Variants in FSIP1 observed in about 807,000 individuals in gnomAD.
The protein encoded by FSIP1 is fibrous sheath-interacting protein 1.
FSIP1 carries 65 observed loss-of-function variants against 60.9 expected under a neutral mutation model. The ratio of observed to expected loss-of-function variants is 1.07; its 90% CI spans 0.87 to 1.31. The LOEUF (loss-of-function observed/expected upper bound fraction) is 1.31, where lower values mean the gene tolerates loss of function less well. FSIP1 is among the 40% of genes most tolerant of loss of function. The pLI is 0.00. For synonymous variants in FSIP1, 209 were observed against 221.2 expected, an observed-to-expected ratio of 0.94 and a Z score of 0.49; for missense variants, 675 against 665.5, an observed-to-expected ratio of 1.01 and a Z score of -0.16.
chr15:39,723,129 G>C, intron 9 of FSIP1, among the ~76,000 whole-genome samples: 1 of 152,266 alleles, frequency 6.6e-6, no homozygotes, highest in Non-Finnish European at 1.5e-5. Context: ...GAACCTTAAA[G>C]AATATTACTA....
chr15:39,653,278 G>A (rs1892950187), intron 10 of FSIP1, among the ~76,000 whole-genome samples: 1 of 151,656 alleles, frequency 6.6e-6, no homozygotes, highest in Non-Finnish European at 1.5e-5. Flanking sequence ...GTGAGTGAAA[G>A]TCAAGGCCCA....
intron 10 of FSIP1, among the ~76,000 whole-genome samples, chr15:39,629,136 T>C (rs1891770635): frequency 6.6e-6 from 1 of 152,164 alleles, no homozygotes; most frequent in African/African-American, 2.4e-5. Flanking sequence ...TGGAGCTTTA[T>C]GGACGATCTC....
At chr15:39,747,148 T>C (rs374168954) in intron 5 of FSIP1, among the ~76,000 whole-genome samples, 239 of 151,830 alleles carry the variant, frequency 1.6e-3, no homozygotes, top group South Asian at 0.013. Flanking sequence ...TAAACCATAA[T>C]CCTAACTATA....
chr15:39,684,526 C>T (rs1175115849), intron 10 of FSIP1, among the ~76,000 whole-genome samples: 2 of 152,132 alleles, frequency 1.3e-5, no homozygotes, highest in East Asian at 3.8e-4. Flanking sequence ...AAGGAAATAG[C>T]ACCAAGAATC....
intron 10 of FSIP1, among the ~76,000 whole-genome samples, chr15:39,696,927 T>C (rs2412425): frequency 1.5e-5 from 1 of 67,560 alleles, no homozygotes; most frequent in Non-Finnish European, 3.0e-5. Context: ...TGTGTGTGTG[T>C]TGGGATGGGG....
At chr15:39,750,522 A>G (rs1347460890) in intron 5 of FSIP1, among the ~76,000 whole-genome samples, 2 of 151,948 alleles carry the variant, frequency 1.3e-5, no homozygotes, top group African/African-American at 4.8e-5. Context: ...AGGGCCCAAG[A>G]AGACACAATG....
chr15:39,739,385 T>C (rs895564527), intron 7 of FSIP1, among the ~76,000 whole-genome samples: 3 of 152,240 alleles, frequency 2.0e-5, no homozygotes, highest in Non-Finnish European at 2.9e-5. Flanking sequence ...AATAAATGTT[T>C]TGCAAATTGC....
At chr15:39,639,240 C>T (rs1892260354) in intron 10 of FSIP1, among the ~76,000 whole-genome samples, 1 of 151,956 alleles carries the variant, frequency 6.6e-6, no homozygotes, top group South Asian at 2.1e-4. Context: ...TGTGGGGAGT[C>T]CAGAGGAATT....
downstream of FSIP1, chr15:39,599,160 C>T (rs941256944): frequency 6.6e-5 from 10 of 152,040 alleles, no homozygotes; most frequent in African/African-American, 2.2e-4. Context: ...AAAGGGAAAT[C>T]CAAAATAAAA....
chr15:39,655,085 T>C (rs1195477301), intron 10 of FSIP1, among the ~76,000 whole-genome samples: 2 of 152,214 alleles, frequency 1.3e-5, no homozygotes, highest in Admixed American at 6.5e-5. Context: ...TGGAAGTTGA[T>C]AAAACTTAGA....
chr15:39,647,850 T>C (rs996449282), intron 10 of FSIP1, among the ~76,000 whole-genome samples: 9 of 152,258 alleles, frequency 5.9e-5, no homozygotes, highest in Admixed American at 4.6e-4. Flanking sequence ...AACTGTTATA[T>C]TGGGAAAAAT....
At chr15:39,766,855 TAA>T (rs1253745808) in intron 3 of FSIP1, among the ~76,000 whole-genome samples, 2 of 152,168 alleles carry the variant, frequency 1.3e-5, no homozygotes, top group Non-Finnish European at 2.9e-5. Context: ...CTTCTTTTTT[TAA>T]GAGACAGGAT....
intron 10 of FSIP1, among the ~76,000 whole-genome samples, chr15:39,703,822 T>C (rs1320075529): frequency 1.1e-5 from 1 of 93,374 alleles, no homozygotes; most frequent in Non-Finnish European, 2.7e-5. Context: ...AAATTTCTCA[T>C]AAATTATATT....
In FSIP1 at chr15:39,674,004, T is replaced by C. The variant is rs574849151; in HGVS notation, c.1188+39440A>G. Reference sequence around the variant, plus strand: ...TTTTATATAAATCCCTGATATAAACTTTAGTAAATTAAGTATAGAGAAGGG... The same window carrying C: ...TTTTATATAAATCCCTGATATAAACCTTAGTAAATTAAGTATAGAGAAGGG... On this transcript the variant is annotated intron_variant, in intron 10 of 11. Transcript: ENST00000350221. 9.9e-5 allele frequency among the ~76,000 whole-genome samples: 15 copies of C among 152,172 alleles called. No individual in the cohort carries two copies. The South Asian group carries it at 3.1e-3, about 32-fold the overall frequency.
chr15:39,731,524 T>TA (rs1326584724), intron 8 of FSIP1, among the ~76,000 whole-genome samples: 1 of 152,202 alleles, frequency 6.6e-6, no homozygotes, highest in Non-Finnish European at 1.5e-5. Flanking sequence ...ACACTGAAGT[T>TA]AAAAGAGTAT....
intron 5 of FSIP1, among the ~76,000 whole-genome samples, chr15:39,742,213 C>G (rs1896827973): frequency 6.6e-6 from 1 of 152,064 alleles, no homozygotes; most frequent in South Asian, 2.1e-4. Context: ...ATAATGCATC[C>G]AAATCTTGAT....
In FSIP1 at chr15:39,716,812, C is replaced by CTTTTTTTT. The variant is rs72106293; in HGVS notation, c.1051-3239_1051-3232dup. Among the ~76,000 whole-genome samples the CTTTTTTTT allele has an allele frequency of 1.3e-3, 138 of 110,190 alleles. 4 individuals are homozygous for CTTTTTTTT. Among genetic ancestry groups the CTTTTTTTT allele is most frequent in the Non-Finnish European group, 2.1e-3 (117 of 56,906 alleles). The allele number at this position is 110,190 out of a possible 152,430, so 72.3% of individuals were successfully genotyped here. A position where few individuals can be genotyped will look rare whatever the true frequency, so the allele number is the denominator to read the frequency against. ...AACCACTTTGAAAAACAGGCCATGT[C>CTTTTTTTT]TTTTTTTTTTTTTTTTTTTTTGAGA... On this transcript the variant is annotated intron_variant, in intron 9 of 11. Coordinates refer to ENST00000350221, the MANE Select transcript of FSIP1 (RefSeq NM_152597.5).
intron 1 of FSIP1, among the ~76,000 whole-genome samples, chr15:39,777,233 T>C (rs1898094239): frequency 6.6e-6 from 1 of 152,114 alleles, no homozygotes; most frequent in Admixed American, 6.5e-5. Context: ...TGCCTTCTTT[T>C]TTCTAGCCTT....
At chr15:39,706,696 T>A (rs1234273245) in intron 10 of FSIP1, among the ~76,000 whole-genome samples, 1 of 152,192 alleles carries the variant, frequency 6.6e-6, no homozygotes, top group African/African-American at 2.4e-5. Context: ...TCCCTTTAAA[T>A]ACTGTGTGTT....
Sources: gnomAD v4.1 joint callset for allele counts (sites outside exome capture counted in the v4.1 genomes callset) on GRCh38, gnomAD v4.1.1 for gene constraint, MANE v1.5 for transcripts, NCBI Gene and HGNC (gene_info 2026-07-23, HGNC 2026-07-21) for gene names.